ADGRD1: variants seen among roughly 807,000 people sequenced by gnomAD.
ADGRD1 encodes adhesion G protein-coupled receptor D1.
A neutral mutation model predicts 113.4 loss-of-function variants in ADGRD1; 77 were observed. That is an observed-to-expected ratio of 0.68 (90% CI 0.57 to 0.82). ADGRD1 has a LOEUF of 0.82. ADGRD1 is among the 40% of genes least tolerant of loss of function. The pLI is 0.00. For synonymous variants in ADGRD1, 474 were observed against 475.0 expected, an observed-to-expected ratio of 1.00 and a Z score of 0.03; for missense variants, 1,036 against 1,139.1, an observed-to-expected ratio of 0.91 and a Z score of 1.30.
chr12:131,105,926 G>A (rs11061326), intron 17 of ADGRD1, 61 bp downstream of exon 17: 21 of 1,212,778 alleles, frequency 1.7e-5, no homozygotes, highest in East Asian at 4.9e-5. Context: ...GGATGTCACC[G>A]GGTGGCACCT....
intron 14 of ADGRD1, among the ~76,000 whole-genome samples, chr12:131,081,431 C>T (rs1431558550): frequency 6.6e-6 from 1 of 152,120 alleles, no homozygotes; most frequent in Non-Finnish European, 1.5e-5. Context: ...TAAATGATTT[C>T]TAATGTATAC....
intron 14 of ADGRD1, among the ~76,000 whole-genome samples, chr12:131,077,592 C>T (rs1885729038): frequency 6.6e-6 from 1 of 152,118 alleles, no homozygotes; most frequent in South Asian, 2.1e-4. Context: ...AACTCAGCTC[C>T]CCGCAGGGCC....
intron 15 of ADGRD1, among the ~76,000 whole-genome samples, chr12:131,088,602 C>T (rs1481676416): frequency 6.6e-6 from 1 of 152,098 alleles, no homozygotes; most frequent in Non-Finnish European, 1.5e-5. Flanking sequence ...GAGGGAGCAG[C>T]CAGGGGTGGT....
intron 4 of ADGRD1, among the ~76,000 whole-genome samples, chr12:130,973,897 C>T (rs1001272816): frequency 5.3e-5 from 8 of 151,966 alleles, no homozygotes; most frequent in Non-Finnish European, 1.0e-4. Flanking sequence ...AGACCAGCCT[C>T]GGCAACACAG....
intron 17 of ADGRD1, among the ~76,000 whole-genome samples, chr12:131,106,495 A>G (rs973291129): frequency 6.6e-6 from 1 of 152,136 alleles, no homozygotes; most frequent in Non-Finnish European, 1.5e-5. Context: ...TAGTTGATGG[A>G]AGAGAAAAAC....
chr12:131,138,654 G>A (rs1012391259), intron 24 of ADGRD1, among the ~76,000 whole-genome samples: 4 of 152,086 alleles, frequency 2.6e-5, no homozygotes, highest in Non-Finnish European at 5.9e-5. Context: ...GTCCTTCCCC[G>A]CACACGGTGC....
At chr12:131,042,885 T>C (rs1882280778) in intron 13 of ADGRD1, among the ~76,000 whole-genome samples, 1 of 152,392 alleles carries the variant, frequency 6.6e-6, no homozygotes, top group Non-Finnish European at 1.5e-5. Flanking sequence ...AAATCTGCAC[T>C]AGGGCCTGCG....
intron 13 of ADGRD1, 167 bp from the exon 14 acceptor site, chr12:131,076,634 C>T: frequency 1.5e-6 from 1 of 661,134 alleles, no homozygotes; most frequent in Non-Finnish European, 2.7e-6. Flanking sequence ...TGACCTGGGC[C>T]AGGTGATGTG....
At chr12:131,129,278 C>G (rs1466420533) in intron 20 of ADGRD1, among the ~76,000 whole-genome samples, 65 of 91,690 alleles carry the variant, frequency 7.1e-4, no homozygotes, top group Admixed American at 1.7e-3. Flanking sequence ...GGCCGGCCCT[C>G]CTGTCTGGGT....
At chr12:130,982,145 C>A in intron 5 of ADGRD1, 82 bp downstream of exon 5, 1 of 1,253,128 alleles carries the variant, frequency 8.0e-7, no homozygotes, top group Non-Finnish European at 1.1e-6. Context: ...AAGCCCAACG[C>A]AGCCCAAGGA....
intron 15 of ADGRD1, among the ~76,000 whole-genome samples, chr12:131,101,373 C>CTTTTTTT (rs796951608): frequency 6.3e-5 from 5 of 79,354 alleles, no homozygotes; most frequent in African/African-American, 1.6e-4. Flanking sequence ...CTTTTTCTTT[C>CTTTTTTT]TTTCTTTTTT....
Position 131,073,614 on chromosome 12 carries a change from A to G in ADGRD1, c.1474-3187A>G, listed in dbSNP as rs1052178248. Among the ~76,000 whole-genome samples, 3 of 152,362 alleles carry G rather than the reference A, an allele frequency of 2.0e-5. No individual in the cohort carries two copies. In the East Asian group the frequency reaches 5.8e-4, roughly 29 times the overall value. On this transcript the variant is annotated intron_variant, in intron 13 of 24. Transcript: ENST00000261654. ...TACACCTAGTCCATTTTCTGTTGTT[A>G]TAATAGAATATCTGAGACTGGGTAA...
In ADGRD1 at chr12:130,997,281, C is replaced by T. The variant is rs569952099; in HGVS notation, c.967-3102C>T. 3.0e-4 allele frequency among the ~76,000 whole-genome samples: 44 copies of T among 144,576 alleles called. 1 individual carries two copies. Among genetic ancestry groups the T allele is most frequent in the African/African-American group, 8.8e-4 (34 of 38,536 alleles). The allele number at this position is 144,576 out of a possible 152,430, so 94.8% of individuals were successfully genotyped here. A position where few individuals can be genotyped will look rare whatever the true frequency, so the allele number is the denominator to read the frequency against. On this transcript the variant is annotated intron_variant, in intron 8 of 24. Transcript: ENST00000261654. Reference sequence around the variant, plus strand: ...GCAGAGGCGCCCGTCACCTCCCGGACGGGGCAGCTGGCCTGGCGGGGGCTG... The same window carrying T: ...GCAGAGGCGCCCGTCACCTCCCGGATGGGGCAGCTGGCCTGGCGGGGGCTG...
At chr12:131,104,414 G>T (rs770216189) in intron 15 of ADGRD1, among the ~76,000 whole-genome samples, 2 of 152,192 alleles carry the variant, frequency 1.3e-5, no homozygotes, top group Non-Finnish European at 2.9e-5. Flanking sequence ...TCATTTCACA[G>T]CCGAGTGTCA....
chr12:130,980,922 T>C (rs1328342977), intron 4 of ADGRD1: 1 of 152,264 alleles, frequency 6.6e-6, no homozygotes, highest in Non-Finnish European at 1.5e-5. Context: ...AGCTCATTCA[T>C]GCTAACATGC....
intron 13 of ADGRD1, among the ~76,000 whole-genome samples, chr12:131,071,992 G>A (rs34626745): frequency 0.085 from 12,738 of 149,862 alleles, 599 homozygotes; most frequent in Non-Finnish European, 0.13. Context: ...TGGGGCGAGG[G>A]GGTGATGTGA....
chr12:131,029,810 TAA>T (rs1264727240), intron 13 of ADGRD1, among the ~76,000 whole-genome samples: 2 of 146,830 alleles, frequency 1.4e-5, no homozygotes, highest in Admixed American at 6.7e-5. Context: ...GGACCCCTCT[TAA>T]CGGTGACATT....
At chr12:131,093,058 A>G (rs1269941683) in intron 15 of ADGRD1, among the ~76,000 whole-genome samples, 1 of 150,936 alleles carries the variant, frequency 6.6e-6, no homozygotes, top group African/African-American at 2.4e-5. Context: ...GCCCCTCCTC[A>G]TCACGTTCGC....
intron 2 of ADGRD1, among the ~76,000 whole-genome samples, chr12:130,961,042 C>T (rs112240039): frequency 1.2e-4 from 18 of 152,298 alleles, no homozygotes; most frequent in Non-Finnish European, 1.6e-4. Flanking sequence ...GCCCGACCAT[C>T]GGCAGGGGCC....
Sources: gnomAD v4.1 joint callset for allele counts (sites outside exome capture counted in the v4.1 genomes callset) on GRCh38, gnomAD v4.1.1 for gene constraint, MANE v1.5 for transcripts, NCBI Gene and HGNC (gene_info 2026-07-23, HGNC 2026-07-21) for gene names.